The following PTPRT variants were observed in gnomAD, a reference collection of about 807,000 sequenced individuals.
PTPRT encodes the protein receptor-type tyrosine-protein phosphatase T.
In PTPRT, 56 loss-of-function variants were observed where a neutral mutation model predicts 176.8. The observed-to-expected ratio is 0.32, with a 90% CI of 0.26 to 0.40. PTPRT has a LOEUF of 0.40. Among genes scored for constraint, PTPRT ranks in the 10% least tolerant of loss-of-function variants. PTPRT has a pLI of 1.00. For missense variants in PTPRT, 1,540 were observed against 1,908.2 expected (o/e 0.81, Z 3.60); for synonymous variants, 783 against 739.0 (o/e 1.06, Z -0.96).
intron 1 of PTPRT, among the ~76,000 whole-genome samples, chr20:42,903,215 T>A (rs1251539660): frequency 6.6e-6 from 1 of 152,240 alleles, no homozygotes; most frequent in African/African-American, 2.4e-5. Context: ...AACAACCATC[T>A]TGTAATCCAA....
chr20:42,620,947 G>A (rs996936822), intron 7 of PTPRT, among the ~76,000 whole-genome samples: 10 of 152,084 alleles, frequency 6.6e-5, no homozygotes, highest in Non-Finnish European at 1.3e-4. Flanking sequence ...GTTCCTATTC[G>A]GCCATCTTGG....
At chr20:42,359,970 T>C (rs1568809082) in intron 9 of PTPRT, among the ~76,000 whole-genome samples, 1 of 152,230 alleles carries the variant, frequency 6.6e-6, no homozygotes, top group East Asian at 1.9e-4. Flanking sequence ...TTGCCCAACA[T>C]GGCTTTTGCT....
chr20:42,086,542 T>G (rs2143004), intron 27 of PTPRT, among the ~76,000 whole-genome samples: 106,732 of 150,500 alleles, frequency 0.71, 38,626 homozygotes, highest in African/African-American at 0.86. Flanking sequence ...GTACCATCTA[T>G]TTTTCTTTTC....
chr20:42,355,085 C>T (rs1008912471), intron 9 of PTPRT, among the ~76,000 whole-genome samples: 4 of 152,142 alleles, frequency 2.6e-5, no homozygotes, highest in African/African-American at 9.7e-5. Flanking sequence ...ATCTATCTGC[C>T]TCTCTGTTTG....
intron 2 of PTPRT, among the ~76,000 whole-genome samples, chr20:42,792,078 A>G (rs1246277821): frequency 6.6e-6 from 1 of 152,192 alleles, no homozygotes; most frequent in Non-Finnish European, 1.5e-5. Flanking sequence ...TTTCATGAAA[A>G]GGATGTGCCC....
At chr20:42,501,472 C>T (rs886850534) in intron 7 of PTPRT, among the ~76,000 whole-genome samples, 1 of 152,098 alleles carries the variant, frequency 6.6e-6, no homozygotes, top group Non-Finnish European at 1.5e-5. Context: ...AGTGGAATTA[C>T]TGGGGTGTGG....
At chr20:42,409,532 A>G in intron 9 of PTPRT, among the ~76,000 whole-genome samples, 1 of 150,104 alleles carries the variant, frequency 6.7e-6, no homozygotes, top group African/African-American at 2.5e-5. Context: ...TTATTTATAC[A>G]AACTGATATA....
intron 1 of PTPRT, among the ~76,000 whole-genome samples, chr20:43,087,079 A>G (rs2011627659): frequency 6.6e-6 from 1 of 152,212 alleles, no homozygotes; most frequent in Non-Finnish European, 1.5e-5. Flanking sequence ...CCATTTCCCC[A>G]GTCCCTGGCA....
chr20:42,071,612 G>A (rs879441156), downstream of PTPRT, among the ~76,000 whole-genome samples: 8 of 152,028 alleles, frequency 5.3e-5, no homozygotes, highest in Admixed American at 2.0e-4. Flanking sequence ...GGTGCATCAG[G>A]AACCACTGGT....
chr20:42,163,055 A>G (rs1989674601), intron 16 of PTPRT, among the ~76,000 whole-genome samples: 1 of 152,156 alleles, frequency 6.6e-6, no homozygotes, highest in Non-Finnish European at 1.5e-5. Flanking sequence ...TGGTCACCCT[A>G]ATGCTTTCAC....
intron 13 of PTPRT, among the ~76,000 whole-genome samples, chr20:42,270,064 G>T (rs1403340976): frequency 6.6e-6 from 1 of 151,918 alleles, no homozygotes; most frequent in Non-Finnish European, 1.5e-5. Context: ...TTGGACCAGT[G>T]GCTGTTTCTT....
At chr20:43,126,357 A>G (rs75067877) in intron 1 of PTPRT, among the ~76,000 whole-genome samples, 2 of 149,910 alleles carry the variant, frequency 1.3e-5, no homozygotes, top group East Asian at 1.9e-4. Flanking sequence ...TTTCAAAGAG[A>G]AAAAAAAAAG....
At chr20:42,219,233 G>C (rs956371168) in intron 15 of PTPRT, among the ~76,000 whole-genome samples, 10 of 152,140 alleles carry the variant, frequency 6.6e-5, no homozygotes, top group African/African-American at 2.4e-4. Flanking sequence ...GCCGCTGATG[G>C]AAAGATAAGT....
intron 9 of PTPRT, among the ~76,000 whole-genome samples, chr20:42,364,086 G>A (rs756852960): frequency 3.3e-5 from 5 of 152,134 alleles, no homozygotes; most frequent in Non-Finnish European, 5.9e-5. Context: ...AATTAGGGGC[G>A]ATCAGGGGAC....
intron 23 of PTPRT, among the ~76,000 whole-genome samples, chr20:42,109,866 A>T (rs1047189208): frequency 6.6e-6 from 1 of 152,186 alleles, no homozygotes; most frequent in Non-Finnish European, 1.5e-5. Flanking sequence ...CAACAGTAAC[A>T]ATGGCCACTA....
chr20:42,680,936 A>G (rs1333580984), intron 6 of PTPRT, among the ~76,000 whole-genome samples: 1 of 152,118 alleles, frequency 6.6e-6, no homozygotes, highest in African/African-American at 2.4e-5. Flanking sequence ...CTCTCTCTCC[A>G]TCCCCTCAAG....
intron 1 of PTPRT, among the ~76,000 whole-genome samples, chr20:43,097,600 A>T (rs2012221475): frequency 6.6e-6 from 1 of 152,228 alleles, no homozygotes; most frequent in Non-Finnish European, 1.5e-5. Context: ...GCCTAAGGTC[A>T]CATAGCTGGT....
chr20:42,034,943 T>A, the PTPRT span, among the ~76,000 whole-genome samples: 1 of 152,110 alleles, frequency 6.6e-6, no homozygotes, highest in Non-Finnish European at 1.5e-5. Flanking sequence ...CAGTCAGAGC[T>A]CTAGGACCCT....
chr20:42,200,635 G>C (rs1991411022), intron 15 of PTPRT, among the ~76,000 whole-genome samples: 1 of 152,142 alleles, frequency 6.6e-6, no homozygotes, highest in Non-Finnish European at 1.5e-5. Flanking sequence ...TATCATTAGA[G>C]ATACAAAAAT....
Sources: allele counts gnomAD v4.1 joint callset (sites outside exome capture counted in the v4.1 genomes callset), GRCh38; gene constraint gnomAD v4.1.1; transcripts MANE v1.5; gene names NCBI Gene and HGNC (gene_info 2026-07-23, HGNC 2026-07-21).